The following LRMDA variants were observed in gnomAD, a reference collection of about 807,000 sequenced individuals.
LRMDA encodes the protein leucine rich melanocyte differentiation associated, also known as leucine-rich melanocyte differentiation-associated protein.
Under a neutral mutation model 29.8 loss-of-function variants are expected in LRMDA, and 18 were observed. The ratio of observed to expected loss-of-function variants is 0.60; its 90% CI spans 0.42 to 0.90. The LOEUF is 0.90. LRMDA is among the 40% of genes least tolerant of loss of function. The pLI is 0.00. For missense variants in LRMDA, 273 were observed against 273.9 expected (o/e 1.00, Z 0.02); for synonymous variants, 125 against 109.4 (o/e 1.14, Z -0.89).
At chr10:76,261,222 G>T (rs1022644467) in intron 5 of LRMDA, among the ~76,000 whole-genome samples, 2 of 151,350 alleles carry the variant, frequency 1.3e-5, no homozygotes, top group East Asian at 1.9e-4. Flanking sequence ...CTGCCACCAC[G>T]CCCGGATAAT....
chr10:75,829,560 T>C (rs1169583503), intron 2 of LRMDA, among the ~76,000 whole-genome samples: 6 of 152,192 alleles, frequency 3.9e-5, no homozygotes, highest in Non-Finnish European at 8.8e-5. Context: ...TCAAGGTCAA[T>C]TCTGTTATTT....
intron 2 of LRMDA, among the ~76,000 whole-genome samples, chr10:75,623,841 G>A (rs1841217312): frequency 6.6e-6 from 1 of 152,182 alleles, no homozygotes; most frequent in Admixed American, 6.5e-5. Context: ...GAAAGCAACC[G>A]ATTTTGACAA....
At chr10:75,975,076 A>G (rs1305126136) in intron 2 of LRMDA, among the ~76,000 whole-genome samples, 1 of 152,366 alleles carries the variant, frequency 6.6e-6, no homozygotes, top group Middle Eastern at 3.4e-3. Flanking sequence ...GGTAACTTTC[A>G]TCTTAGGTCA....
intron 4 of LRMDA, among the ~76,000 whole-genome samples, chr10:76,057,357 G>T (rs571490284): frequency 6.6e-6 from 1 of 152,190 alleles, no homozygotes. Flanking sequence ...CTGGCACATA[G>T]TAGGTGATCA....
chr10:75,849,546 C>T (rs1184227851), intron 2 of LRMDA, among the ~76,000 whole-genome samples: 3 of 151,942 alleles, frequency 2.0e-5, no homozygotes, highest in South Asian at 4.2e-4. Context: ...AAGTGGGAGC[C>T]GAACAATGAG....
At chr10:76,196,772 G>A (rs921442569) in intron 5 of LRMDA, among the ~76,000 whole-genome samples, 3 of 152,200 alleles carry the variant, frequency 2.0e-5, no homozygotes, top group African/African-American at 4.8e-5. Context: ...TATATCCAAC[G>A]TGTAATAAAT....
At chr10:75,754,482 G>A (rs986019755) in intron 2 of LRMDA, among the ~76,000 whole-genome samples, 2 of 152,168 alleles carry the variant, frequency 1.3e-5, no homozygotes, top group African/African-American at 2.4e-5. Flanking sequence ...AATTCAGTCA[G>A]TTCAAATGTT....
At chr10:75,906,819 C>T (rs185697532) in intron 2 of LRMDA, among the ~76,000 whole-genome samples, 183 of 152,366 alleles carry the variant, frequency 1.2e-3, no homozygotes, top group Middle Eastern at 3.4e-3. Flanking sequence ...ACACAAGATG[C>T]TTTACTTCTC....
At chr10:75,900,323 C>T (rs1392444911) in intron 2 of LRMDA, among the ~76,000 whole-genome samples, 1 of 152,136 alleles carries the variant, frequency 6.6e-6, no homozygotes, top group Non-Finnish European at 1.5e-5. Flanking sequence ...TTGGAGCTGA[C>T]TTGATGGGAG....
chr10:75,893,707 G>T (rs542183250), intron 2 of LRMDA, among the ~76,000 whole-genome samples: 1 of 152,198 alleles, frequency 6.6e-6, no homozygotes, highest in African/African-American at 2.4e-5. Context: ...AGGCCGAGGC[G>T]GGTGGACCTT....
intron 2 of LRMDA, among the ~76,000 whole-genome samples, chr10:75,698,638 G>A (rs1399380761): frequency 7.8e-6 from 1 of 127,632 alleles, no homozygotes; most frequent in East Asian, 2.0e-4. Flanking sequence ...GTCTTCAACA[G>A]TGGTCCGTAG....
intron 2 of LRMDA, among the ~76,000 whole-genome samples, chr10:75,521,478 A>G (rs1207285438): frequency 6.6e-6 from 1 of 152,222 alleles, no homozygotes; most frequent in Non-Finnish European, 1.5e-5. Flanking sequence ...CTGCGCTAGC[A>G]GTGAGCAAGG....
rs1298291783 is a variant in LRMDA, at chr10:75,433,489, T to A, written c.30+1735T>A. On this transcript the variant is annotated intron_variant, in intron 1 of 6. Coordinates refer to ENST00000611255, the MANE Select transcript of LRMDA (RefSeq NM_001305581.2). ...TGCCCCTGGAGTCTTAGTGCCCCAT[T>A]TCCTAAACTGCCCAGGTTAGTGGAT... 2.6e-5 allele frequency among the ~76,000 whole-genome samples: 4 copies of A among 152,254 alleles called. No individual in the cohort carries two copies. In the Middle Eastern group the frequency reaches 0.01, roughly 388 times the overall value.
chr10:76,482,972 T>G (rs1842746310), intron 6 of LRMDA, among the ~76,000 whole-genome samples: 1 of 151,938 alleles, frequency 6.6e-6, no homozygotes, highest in Non-Finnish European at 1.5e-5. Context: ...ATTTGCATTT[T>G]CCCTGTTGGC....
intron 2 of LRMDA, among the ~76,000 whole-genome samples, chr10:75,490,336 T>TACACACAC (rs56077469): frequency 6.1e-5 from 9 of 148,620 alleles, no homozygotes; most frequent in East Asian, 6.0e-4. Context: ...CATGTACACA[T>TACACACAC]ACACACACAC....
At chr10:76,462,094 A>AC (rs1564548244) in intron 6 of LRMDA, among the ~76,000 whole-genome samples, 13 of 141,368 alleles carry the variant, frequency 9.2e-5, no homozygotes, top group Non-Finnish European at 2.1e-4. Flanking sequence ...CACACACACA[A>AC]AAACAACAAC....
intron 2 of LRMDA, among the ~76,000 whole-genome samples, chr10:75,554,418 A>G (rs1264262082): frequency 6.6e-6 from 1 of 152,184 alleles, no homozygotes; most frequent in African/African-American, 2.4e-5. Flanking sequence ...CATAGCTGTG[A>G]GATTGATGTG....
At chr10:75,765,077 C>T (rs1217225389) in intron 2 of LRMDA, among the ~76,000 whole-genome samples, 1 of 151,982 alleles carries the variant, frequency 6.6e-6, no homozygotes, top group African/African-American at 2.4e-5. Context: ...CTATTGGGCC[C>T]CAGGCACTTA....
intron 5 of LRMDA, among the ~76,000 whole-genome samples, chr10:76,299,567 T>TCAGTTAGA (rs1327347888): frequency 1.3e-5 from 2 of 151,208 alleles, no homozygotes; most frequent in Non-Finnish European, 2.9e-5. Context: ...CAATGAATGG[T>TCAGTTAGA]CAGTTAGAAT....
Sources: gnomAD v4.1 joint callset for allele counts (sites outside exome capture counted in the v4.1 genomes callset) on GRCh38, gnomAD v4.1.1 for gene constraint, MANE v1.5 for transcripts, NCBI Gene and HGNC (gene_info 2026-07-23, HGNC 2026-07-21) for gene names.